Variants in INSYN2A observed in about 807,000 individuals in gnomAD.
The protein encoded by INSYN2A is family with sequence similarity 196 member A.
INSYN2A carries 17 observed loss-of-function variants against 39.4 expected under a neutral mutation model. The ratio of observed to expected loss-of-function variants is 0.43; its 90% CI spans 0.30 to 0.65. The LOEUF (loss-of-function observed/expected upper bound fraction) is 0.65, where lower values mean the gene tolerates loss of function less well. Ranked by LOEUF, INSYN2A falls within the 30% of genes least tolerant of loss-of-function variation. The probability of loss-of-function intolerance (pLI) is 0.14; values close to 1 mark genes in which losing one functional copy is unlikely to be tolerated. For missense variants in INSYN2A, 595 were observed against 631.2 expected (o/e 0.94, Z 0.61); for synonymous variants, 255 against 265.7 (o/e 0.96, Z 0.39).
rs148947711 is a variant in INSYN2A at position 127,175,322 on chromosome 10, G to A, written c.1074C>T (p.Leu358=). Residue 358 remains leucine, a synonymous_variant, in exon 4 of 6, where the codon CTC becomes CTT. Transcript: ENST00000522781. This position sits in a 1 kb window ranked among gnomAD's most constrained non-coding sequence, Gnocchi z 6.3. Reference sequence around the variant, plus strand: ...TCTCCATCATCTGAAGTTGTGCTTTGAGGTCGACCACTTCCGTATGAGGCA... The same window carrying A: ...TCTCCATCATCTGAAGTTGTGCTTTAAGGTCGACCACTTCCGTATGAGGCA... The part of the protein sequence containing the change: ...RIVPHTEVVD[L]KAQLQMMENL... 1.9e-6 allele frequency: 3 copies of A among 1,613,956 alleles called. No individual in the cohort carries two copies. Among genetic ancestry groups the A allele is most frequent in the Non-Finnish European group, 2.5e-6 (3 of 1,180,034 alleles).
At chr10:127,144,166 C>T (rs1392397538) in intron 5 of INSYN2A, among the ~76,000 whole-genome samples, 1 of 152,174 alleles carries the variant, frequency 6.6e-6, no homozygotes, top group Non-Finnish European at 1.5e-5. Flanking sequence ...TCTCTGTATT[C>T]TCTCCCTCTC....
At position 127,153,971 on chromosome 10, in the gene INSYN2A, CT is replaced by C. The variant is rs773584756; in HGVS notation, c.1185-49del. On this transcript the variant is annotated intron_variant, in intron 4 of 5. Transcript: ENST00000522781. ...CATTACAAGCGGTGGCTGGGGGTCA[CT>C]GGCTTTATAGAGCAGATGCCTCAAA... 7.7e-5 allele frequency: 109 copies of C among 1,414,368 alleles called. No homozygotes were observed. The South Asian group carries it at 1.2e-3, about 15-fold the overall frequency. 87.6% of individuals were successfully genotyped at this position (1,414,368 alleles called of 1,614,324 possible). A position where few individuals can be genotyped will look rare whatever the true frequency, so the allele number is the denominator to read the frequency against.
intron 4 of INSYN2A, among the ~76,000 whole-genome samples, chr10:127,168,971 G>T (rs769783857): frequency 6.6e-6 from 1 of 152,152 alleles, no homozygotes; most frequent in Non-Finnish European, 1.5e-5. Context: ...CCCCTGACAG[G>T]TCTCTCTGAT....
intron 2 of INSYN2A, among the ~76,000 whole-genome samples, chr10:127,183,427 C>G (rs2055927148): frequency 6.6e-6 from 1 of 152,168 alleles, no homozygotes; most frequent in South Asian, 2.1e-4. Context: ...TGGCCAAATC[C>G]TAAACTTTGC....
chr10:127,170,115 C>T (rs2054428282), intron 4 of INSYN2A, among the ~76,000 whole-genome samples: 1 of 151,960 alleles, frequency 6.6e-6, no homozygotes, highest in African/African-American at 2.4e-5. Flanking sequence ...GAACTGCCCC[C>T]ATGATGGGGT....
At position 127,177,967 on chromosome 10, in the gene INSYN2A, C is replaced by T. The variant is rs150042940; in HGVS notation, c.-268-828G>A. ...GGAGCAGGACCCTACTTTAGTGGAC[C>T]GCTGAATCCATGCTGTTCTCATAGA... On this transcript the variant is annotated intron_variant, in intron 2 of 5. Coordinates refer to ENST00000522781, the MANE Select transcript of INSYN2A (RefSeq NM_001039762.3). 6.2e-3 allele frequency among the ~76,000 whole-genome samples: 944 copies of T among 152,242 alleles called. 11 individuals are homozygous for T. Among genetic ancestry groups the T allele is most frequent in the African/African-American group, 0.022 (894 of 41,528 alleles).
chr10:127,167,514 C>G (rs900155326), intron 4 of INSYN2A, among the ~76,000 whole-genome samples: 1 of 151,992 alleles, frequency 6.6e-6, no homozygotes, highest in African/African-American at 2.4e-5. Context: ...CCCCCCGCCC[C>G]GAAACTTTTA....
At chr10:127,194,645 C>G (rs897556907) in intron 1 of INSYN2A, among the ~76,000 whole-genome samples, 7 of 152,132 alleles carry the variant, frequency 4.6e-5, no homozygotes, top group Non-Finnish European at 8.8e-5. Context: ...AAGTACCCAG[C>G]CAGCGCAGTC....
chr10:127,195,308 G>A (rs1430721652), intron 1 of INSYN2A, among the ~76,000 whole-genome samples: 12 of 152,162 alleles, frequency 7.9e-5, no homozygotes, highest in Non-Finnish European at 2.9e-5. Context: ...CAGTCTCTTA[G>A]GTCTGCAGCG....
At chr10:127,146,234 A>G (rs927940814) in intron 5 of INSYN2A, 14 of 238,582 alleles carry the variant, frequency 5.9e-5, no homozygotes, top group African/African-American at 3.0e-4. Flanking sequence ...TATCAGTATA[A>G]TTAGCCTTTC....
chr10:127,184,910 A>G (rs190454778), intron 2 of INSYN2A, among the ~76,000 whole-genome samples: 3 of 152,274 alleles, frequency 2.0e-5, no homozygotes, highest in African/African-American at 7.2e-5. Flanking sequence ...TGACCTAGGC[A>G]CCATACTGGA....
At chr10:127,150,380 C>CTGTCT (rs1554897140) in intron 5 of INSYN2A, among the ~76,000 whole-genome samples, 6 of 151,516 alleles carry the variant, frequency 4.0e-5, no homozygotes, top group Admixed American at 4.0e-4. Context: ...GGGAAGTGAC[C>CTGTCT]CTGTGTATCA....
At chr10:127,180,539 C>G (rs899926106) in intron 2 of INSYN2A, among the ~76,000 whole-genome samples, 4 of 152,188 alleles carry the variant, frequency 2.6e-5, no homozygotes, top group African/African-American at 9.7e-5. Context: ...ATATAAATGT[C>G]TTAATTACCC....
Position 127,176,230 on chromosome 10 carries a change from G to T in INSYN2A, c.166C>A (p.Gln56Lys). 2 of 1,614,126 alleles carry T rather than the reference G, an allele frequency of 1.2e-6. No homozygotes were observed. Among genetic ancestry groups the T allele is most frequent in the Non-Finnish European group, 1.7e-6 (2 of 1,180,024 alleles). ...QVRFKDICEA[Q>K]NEQRDTQLSS... ...AGCTGTGTGTCCCTCTGCTCATTCTGTGCCTCGCAGATATCCTTAAACCGC... is the reference window on the plus strand; with the variant it reads ...AGCTGTGTGTCCCTCTGCTCATTCTTTGCCTCGCAGATATCCTTAAACCGC... The change falls in exon 4 of 6, where the codon CAG becomes AAG. Residue 56 changes from glutamine to lysine, a missense_variant. Coordinates refer to ENST00000522781, the MANE Select transcript of INSYN2A (RefSeq NM_001039762.3). The surrounding 1 kb of genome is among the most constrained non-coding windows in gnomAD (Gnocchi z 4.4).
chr10:127,143,603 C>T (rs776064789), intron 5 of INSYN2A, among the ~76,000 whole-genome samples: 3 of 152,160 alleles, frequency 2.0e-5, no homozygotes, highest in Non-Finnish European at 4.4e-5. Context: ...AGCCATGTCC[C>T]CAAAGCACAA....
intron 5 of INSYN2A, among the ~76,000 whole-genome samples, chr10:127,142,039 A>G (rs2051312060): frequency 6.6e-6 from 1 of 152,144 alleles, no homozygotes; most frequent in African/African-American, 2.4e-5. Flanking sequence ...CTTGTGAGTG[A>G]CCAGCTACCA....
intron 1 of INSYN2A, 130 bp downstream of exon 1, chr10:127,195,867 G>A (rs1010073074): frequency 5.9e-5 from 9 of 152,306 alleles, no homozygotes; most frequent in African/African-American, 2.2e-4. Flanking sequence ...CCGAGTTTCC[G>A]GCCAAGCCGG....
intron 4 of INSYN2A, among the ~76,000 whole-genome samples, chr10:127,164,315 C>G (rs1412086280): frequency 6.6e-6 from 1 of 151,636 alleles, no homozygotes; most frequent in Non-Finnish European, 1.5e-5. Context: ...TCTTGAGCAG[C>G]TGAGATTACA....
chr10:127,194,812 G>A (rs574363876), intron 1 of INSYN2A, among the ~76,000 whole-genome samples: 1 of 152,162 alleles, frequency 6.6e-6, no homozygotes. Flanking sequence ...CCAAGGCAGG[G>A]CTCCCCCAAA....
Sources: gnomAD v4.1 joint callset for allele counts (sites outside exome capture counted in the v4.1 genomes callset) on GRCh38, gnomAD v4.1.1 for gene constraint, Gnocchi (gnomAD v3.1) non-coding constraint, MANE v1.5 for transcripts, NCBI Gene and HGNC (gene_info 2026-07-23, HGNC 2026-07-21) for gene names.